Variants in PTPRM observed in about 807,000 individuals in gnomAD.
The protein encoded by PTPRM is receptor-type tyrosine-protein phosphatase mu.
Under a neutral mutation model 186.7 loss-of-function variants are expected in PTPRM, and 47 were observed. The ratio of observed to expected loss-of-function variants is 0.25; its 90% CI spans 0.20 to 0.32. PTPRM has a LOEUF of 0.32. Ranked by LOEUF, PTPRM falls within the 10% of genes least tolerant of loss-of-function variation. PTPRM has a pLI of 1.00. For synonymous variants in PTPRM, 668 were observed against 674.9 expected (o/e 0.99, Z 0.16); for missense variants, 1,494 against 1,865.0 (o/e 0.80, Z 3.66).
chr18:7,902,537 A>AT (rs1172051329), intron 3 of PTPRM, among the ~76,000 whole-genome samples: 1 of 152,136 alleles, frequency 6.6e-6, no homozygotes, highest in African/African-American at 2.4e-5. Flanking sequence ...TCAGGAAAGG[A>AT]TCCCATTGCT....
intron 14 of PTPRM, among the ~76,000 whole-genome samples, chr18:8,167,293 G>A (rs1234488373): frequency 6.6e-6 from 1 of 152,174 alleles, no homozygotes; most frequent in East Asian, 1.9e-4. Flanking sequence ...CTCCTATCTG[G>A]TACCACATGG....
chr18:8,220,220 C>T (rs2094138998), intron 14 of PTPRM, among the ~76,000 whole-genome samples: 1 of 152,084 alleles, frequency 6.6e-6, no homozygotes, highest in South Asian at 2.1e-4. Context: ...AAAAACAAGA[C>T]CAAGAAGATG....
intron 1 of PTPRM, among the ~76,000 whole-genome samples, chr18:7,695,579 TA>T (rs1281444376): frequency 2.0e-5 from 3 of 152,246 alleles, no homozygotes; most frequent in African/African-American, 7.2e-5. Flanking sequence ...TTTAGAGCTT[TA>T]AAAAATGCTC....
intron 22 of PTPRM, among the ~76,000 whole-genome samples, chr18:8,337,806 A>G (rs921434834): frequency 6.6e-6 from 1 of 152,144 alleles, no homozygotes; most frequent in Non-Finnish European, 1.5e-5. Context: ...AGGGAGATAG[A>G]TGGTCAGGGA....
At chr18:8,345,279 C>T in intron 23 of PTPRM, among the ~76,000 whole-genome samples, 1 of 151,998 alleles carries the variant, frequency 6.6e-6, no homozygotes, top group Admixed American at 6.5e-5. Context: ...AATTTATTAA[C>T]TAAACAGCAC....
intron 2 of PTPRM, among the ~76,000 whole-genome samples, chr18:7,817,422 A>T (rs2044896481): frequency 6.6e-6 from 1 of 152,228 alleles, no homozygotes; most frequent in South Asian, 2.1e-4. Flanking sequence ...TATGTGTAAT[A>T]AGTTGATAGA....
At chr18:8,029,342 C>A (rs1333808338) in intron 7 of PTPRM, among the ~76,000 whole-genome samples, 1 of 150,038 alleles carries the variant, frequency 6.7e-6, no homozygotes, top group Non-Finnish European at 1.5e-5. Context: ...TGGAGCACCC[C>A]TCCCCCACAC....
chr18:8,337,570 G>A (rs534599581), intron 22 of PTPRM, among the ~76,000 whole-genome samples: 1 of 152,186 alleles, frequency 6.6e-6, no homozygotes, highest in Non-Finnish European at 1.5e-5. Context: ...AACAAAGCAA[G>A]TTAGGCATGA....
At chr18:8,020,142 T>C (rs2085118581) in intron 7 of PTPRM, among the ~76,000 whole-genome samples, 1 of 152,192 alleles carries the variant, frequency 6.6e-6, no homozygotes, top group South Asian at 2.1e-4. Flanking sequence ...GAATTAGTTG[T>C]GACAAAAAGT....
chr18:7,738,737 G>A (rs1265979276), intron 1 of PTPRM, among the ~76,000 whole-genome samples: 1 of 152,150 alleles, frequency 6.6e-6, no homozygotes, highest in Non-Finnish European at 1.5e-5. Flanking sequence ...CACTGCGCCC[G>A]GCCAGTTCGT....
chr18:8,351,916 C>A (rs934173625), intron 23 of PTPRM, among the ~76,000 whole-genome samples: 1 of 152,202 alleles, frequency 6.6e-6, no homozygotes, highest in Non-Finnish European at 1.5e-5. Context: ...CCTGGCTGCC[C>A]TGGTGAACCT....
intron 14 of PTPRM, among the ~76,000 whole-genome samples, chr18:8,180,353 G>T (rs2093555937): frequency 6.6e-6 from 1 of 152,164 alleles, no homozygotes; most frequent in Non-Finnish European, 1.5e-5. Flanking sequence ...GAAAGAATTT[G>T]ACCAAGGAGC....
intron 1 of PTPRM, among the ~76,000 whole-genome samples, chr18:7,576,336 T>C (rs902036514): frequency 1.3e-5 from 2 of 152,144 alleles, no homozygotes; most frequent in African/African-American, 4.8e-5. Context: ...TTAGTGTGGG[T>C]TACTCTGGGA....
chr18:7,756,312 A>G (rs79140774), intron 1 of PTPRM, among the ~76,000 whole-genome samples: 210 of 152,328 alleles, frequency 1.4e-3, no homozygotes, highest in African/African-American at 4.8e-3. Flanking sequence ...TGCCTAGTGC[A>G]GTGTATTGCC....
At chr18:7,809,443 C>T (rs16952551) in intron 2 of PTPRM, among the ~76,000 whole-genome samples, 11 of 151,944 alleles carry the variant, frequency 7.2e-5, no homozygotes, top group Non-Finnish European at 1.6e-4. Flanking sequence ...CTGCTGGGAC[C>T]GCTCTTCTCC....
chr18:8,053,397 A>G lies in PTPRM; in HGVS notation c.1133-16289A>G, dbSNP rs118005485. Reference sequence around the variant, plus strand: ...TTTTTGTGCTTCTAATTGAGTCAGAATTGATTTTTGTATATGATACAGAGT... The same window carrying G: ...TTTTTGTGCTTCTAATTGAGTCAGAGTTGATTTTTGTATATGATACAGAGT... On this transcript the variant is annotated intron_variant, in intron 7 of 32. Transcript: ENST00000580170. Among the ~76,000 whole-genome samples the G allele has an allele frequency of 7.9e-3, 1,198 of 152,188 alleles. 7 individuals are homozygous for G. The highest frequency in any genetic ancestry group is 0.03 in the South Asian group (143 of 4,824).
At chr18:8,064,865 C>T (rs1484242439) in intron 7 of PTPRM, among the ~76,000 whole-genome samples, 1 of 152,176 alleles carries the variant, frequency 6.6e-6, no homozygotes, top group Non-Finnish European at 1.5e-5. Context: ...GCTCTGATTT[C>T]ACTAAATAGT....
intron 1 of PTPRM, among the ~76,000 whole-genome samples, chr18:7,658,054 ACT>A (rs2144350027): frequency 6.6e-6 from 1 of 152,076 alleles, no homozygotes; most frequent in East Asian, 1.9e-4. Context: ...GTTAAGATTT[ACT>A]CTCTCAGCAG....
At chr18:7,816,598 A>G (rs1292332877) in intron 2 of PTPRM, among the ~76,000 whole-genome samples, 1 of 152,198 alleles carries the variant, frequency 6.6e-6, no homozygotes, top group Non-Finnish European at 1.5e-5. Flanking sequence ...TTCTTCTTTA[A>G]CATTTAGAAA....
Sources: allele counts gnomAD v4.1 joint callset (sites outside exome capture counted in the v4.1 genomes callset), GRCh38; gene constraint gnomAD v4.1.1; transcripts MANE v1.5; gene names NCBI Gene and HGNC (gene_info 2026-07-23, HGNC 2026-07-21).